Variants in MAGI2 observed in about 807,000 individuals in gnomAD.
MAGI2 encodes the protein membrane associated guanylate kinase, WW and PDZ domain containing 2.
MAGI2 carries 35 observed loss-of-function variants against 133.3 expected under a neutral mutation model. That is an observed-to-expected ratio of 0.26 (90% CI 0.20 to 0.35). The LOEUF is 0.35. MAGI2 is among the 10% of genes least tolerant of loss of function. The pLI, the probability that MAGI2 is intolerant of heterozygous loss-of-function variation, is 1.00. For missense variants in MAGI2, 1,636 were observed against 1,863.4 expected, an observed-to-expected ratio of 0.88 and a Z score of 2.25; for synonymous variants, 729 against 710.6, an observed-to-expected ratio of 1.03 and a Z score of -0.41.
At chr7:78,027,607 G>A (rs1420849555) in intron 21 of MAGI2, among the ~76,000 whole-genome samples, 25 of 141,680 alleles carry the variant, frequency 1.8e-4, no homozygotes, top group Non-Finnish European at 2.0e-4. Flanking sequence ...CAGCCTGGGC[G>A]ACAGAGTGAG....
chr7:78,503,934 A>T lies in MAGI2; in HGVS notation c.755-2147T>A, dbSNP rs1584424040. Among the ~76,000 whole-genome samples, 8 of 140,474 alleles carry T rather than the reference A, an allele frequency of 5.7e-5. No homozygotes were observed. The South Asian group carries it at 1.7e-3, about 31-fold the overall frequency. 92.2% of individuals were successfully genotyped at this position (140,474 alleles called of 152,430 possible). ...GTCAATTAAACCTCTTTCCTTTATAAATTACCCAGTCTCAGGTATTTCTTC... is the reference window on the plus strand; with the variant it reads ...GTCAATTAAACCTCTTTCCTTTATATATTACCCAGTCTCAGGTATTTCTTC... On this transcript the variant is annotated intron_variant, in intron 4 of 21. Coordinates refer to ENST00000354212, the MANE Select transcript of MAGI2 (RefSeq NM_012301.4).
At chr7:78,777,688 T>C (rs964373318) in intron 2 of MAGI2, among the ~76,000 whole-genome samples, 1 of 152,230 alleles carries the variant, frequency 6.6e-6, no homozygotes, top group African/African-American at 2.4e-5. Flanking sequence ...CTTCAAGTTA[T>C]GAAATTGCAT....
chr7:79,203,023 G>T (rs1204104940), intron 1 of MAGI2, among the ~76,000 whole-genome samples: 1 of 151,840 alleles, frequency 6.6e-6, no homozygotes, highest in Non-Finnish European at 1.5e-5. Context: ...CAAACTTTTT[G>T]CCCAACATCT....
intron 3 of MAGI2, among the ~76,000 whole-genome samples, chr7:78,610,450 G>T (rs1806318387): frequency 6.6e-6 from 1 of 152,156 alleles, no homozygotes; most frequent in South Asian, 2.1e-4. Context: ...GGAACACAGT[G>T]GAGACCTGGA....
At chr7:79,063,155 G>C (rs551957629) in intron 1 of MAGI2, among the ~76,000 whole-genome samples, 1 of 152,176 alleles carries the variant, frequency 6.6e-6, no homozygotes, top group Admixed American at 6.6e-5. Flanking sequence ...GTAAGACTGG[G>C]CTGATGCAGC....
intron 2 of MAGI2, among the ~76,000 whole-genome samples, chr7:78,647,697 A>T (rs948047276): frequency 2.6e-5 from 4 of 152,182 alleles, no homozygotes; most frequent in Admixed American, 1.3e-4. Context: ...ACATGCACAC[A>T]TATGTTTATT....
intron 2 of MAGI2, among the ~76,000 whole-genome samples, chr7:78,894,881 G>T (rs537830737): frequency 6.6e-6 from 1 of 152,058 alleles, no homozygotes; most frequent in East Asian, 1.9e-4. Flanking sequence ...TTTAATAATT[G>T]TTACCCTAAG....
At chr7:79,155,483 A>C (rs1585064368) in intron 1 of MAGI2, among the ~76,000 whole-genome samples, 1 of 152,236 alleles carries the variant, frequency 6.6e-6, no homozygotes, top group East Asian at 1.9e-4. Context: ...TGAGAGAAGT[A>C]TTTGGAAAGA....
rs367979689 is a variant in MAGI2 at position 78,340,073 on chromosome 7, A to G, written c.1408+3705T>C. On this transcript the variant is annotated intron_variant, in intron 9 of 21. Transcript: ENST00000354212. The stretch of plus-strand genomic sequence containing the variant: ...TTTAAAACCCATGGAAGAACAATTC[A>G]TAAGTGTATTGGTCATAAAAATGGC... Among the ~76,000 whole-genome samples, 183 of 152,316 alleles carry G rather than the reference A, an allele frequency of 1.2e-3. 5 individuals carry two copies. The South Asian group carries it at 0.036, about 30-fold the overall frequency.
intron 3 of MAGI2, among the ~76,000 whole-genome samples, chr7:78,619,764 A>G (rs1387091876): frequency 6.6e-6 from 1 of 151,886 alleles, no homozygotes; most frequent in African/African-American, 2.4e-5. Flanking sequence ...AACTCTGAAC[A>G]CAAATTGAAT....
At chr7:78,376,800 T>C (rs946193587) in intron 6 of MAGI2, among the ~76,000 whole-genome samples, 1 of 152,112 alleles carries the variant, frequency 6.6e-6, no homozygotes, top group African/African-American at 2.4e-5. Context: ...CAGAAAAGCA[T>C]GGCACTATAA....
At chr7:78,453,735 T>A (rs1006375689) in intron 6 of MAGI2, among the ~76,000 whole-genome samples, 2 of 152,116 alleles carry the variant, frequency 1.3e-5, no homozygotes, top group Admixed American at 6.5e-5. Flanking sequence ...CTACCAAAAA[T>A]CCCAGAGGAT....
chr7:78,320,002 C>G (rs1342736311), intron 9 of MAGI2, among the ~76,000 whole-genome samples: 1 of 152,148 alleles, frequency 6.6e-6, no homozygotes. Flanking sequence ...AACACCTCTA[C>G]ACAAATAAAC....
intron 2 of MAGI2, among the ~76,000 whole-genome samples, chr7:78,831,155 T>A (rs939559631): frequency 6.6e-6 from 1 of 152,148 alleles, no homozygotes; most frequent in Non-Finnish European, 1.5e-5. Context: ...ATGAAGCCCA[T>A]ACATTATCAG....
intron 1 of MAGI2, among the ~76,000 whole-genome samples, chr7:79,315,853 G>C (rs964192297): frequency 1.3e-5 from 2 of 152,066 alleles, no homozygotes; most frequent in African/African-American, 4.8e-5. Flanking sequence ...TGTGATTTTT[G>C]CTATGGGCAA....
rs762583474 is a variant in MAGI2 at position 78,449,372 on chromosome 7, C to T, written c.1045+40389G>A. 4.6e-5 allele frequency among the ~76,000 whole-genome samples: 7 copies of T among 152,106 alleles called. No homozygotes were observed. The East Asian group carries it at 7.7e-4, about 17-fold the overall frequency. ...ACTTAATATTTTCTTTGAATTGATC[C>T]ACAATTAAACTTACAAAATATAAAC... On this transcript the variant is annotated intron_variant, in intron 6 of 21. Transcript: ENST00000354212.
chr7:78,865,744 T>C (rs972153602), intron 2 of MAGI2, among the ~76,000 whole-genome samples: 1 of 152,196 alleles, frequency 6.6e-6, no homozygotes, highest in East Asian at 1.9e-4. Context: ...TACAGATTTT[T>C]AGAAGTAAAT....
intron 2 of MAGI2, among the ~76,000 whole-genome samples, chr7:78,795,818 G>C (rs1352310995): frequency 2.0e-5 from 3 of 151,900 alleles, no homozygotes; most frequent in Non-Finnish European, 4.4e-5. Context: ...ACAGAATAGA[G>C]AACACAGAAA....
chr7:79,273,907 T>C (rs753316200), intron 1 of MAGI2, among the ~76,000 whole-genome samples: 33 of 152,102 alleles, frequency 2.2e-4, no homozygotes, highest in Non-Finnish European at 4.0e-4. Context: ...AAAAAACTGC[T>C]TATTAAAACA....
Sources: gnomAD v4.1 joint callset for allele counts (sites outside exome capture counted in the v4.1 genomes callset) on GRCh38, gnomAD v4.1.1 for gene constraint, MANE v1.5 for transcripts, NCBI Gene and HGNC (gene_info 2026-07-23, HGNC 2026-07-21) for gene names.